Variants in NBAS observed in about 807,000 individuals in gnomAD.
NBAS encodes the protein NBAS subunit of NRZ tethering complex, also known as NAG/BC035112 fusion.
NBAS carries 219 observed loss-of-function variants against 302.5 expected under a neutral mutation model. The ratio of observed to expected loss-of-function variants is 0.72; its 90% CI spans 0.65 to 0.81. NBAS has a LOEUF of 0.81. NBAS is among the 30% of genes least tolerant of loss of function. The pLI, the probability that NBAS is intolerant of heterozygous loss-of-function variation, is 0.00. For missense variants in NBAS, 2,932 were observed against 2,841.6 expected (o/e 1.03, Z -0.72); for synonymous variants, 1,118 against 1,021.6 (o/e 1.09, Z -1.80).
the NBAS span, among the ~76,000 whole-genome samples, chr2:14,950,468 A>ATAC: frequency 6.6e-6 from 1 of 152,220 alleles, no homozygotes; most frequent in Non-Finnish European, 1.5e-5. Context: ...TATCTCAAGT[A>ATAC]TACTAATTTA....
At chr2:14,907,568 C>G in the NBAS span, 3 of 152,268 alleles carry the variant, frequency 2.0e-5, no homozygotes, top group Admixed American at 6.5e-5. Context: ...CAGTTCTTTT[C>G]CTACCTTCCA....
chr2:15,505,440 C>G (rs1164810486), intron 10 of NBAS, among the ~76,000 whole-genome samples: 2 of 152,012 alleles, frequency 1.3e-5, no homozygotes, highest in African/African-American at 4.8e-5. Context: ...AGAAAAATGG[C>G]AAACAGGAAG....
intron 34 of NBAS, among the ~76,000 whole-genome samples, chr2:15,352,790 G>A (rs1402598558): frequency 1.3e-5 from 2 of 152,090 alleles, no homozygotes; most frequent in Non-Finnish European, 2.9e-5. Context: ...TGAGCTCACT[G>A]GCCAACACCT....
At chr2:14,852,803 G>T in the NBAS span, among the ~76,000 whole-genome samples, 51 of 141,924 alleles carry the variant, frequency 3.6e-4, no homozygotes, top group African/African-American at 1.4e-3. Context: ...ACAAACCTGA[G>T]AAAAACAAGC....
chr2:15,020,487 G>C, the NBAS span, among the ~76,000 whole-genome samples: 2 of 152,172 alleles, frequency 1.3e-5, no homozygotes, highest in African/African-American at 2.4e-5. Context: ...ATTCACAATG[G>C]AGGCAAAGGC....
the NBAS span, among the ~76,000 whole-genome samples, chr2:15,003,722 A>C: frequency 2.0e-5 from 3 of 152,214 alleles, no homozygotes; most frequent in South Asian, 6.2e-4. Context: ...ACAGCTTCTC[A>C]GAAGTCATTA....
chr2:15,539,426 G>T, intron 6 of NBAS, 70 bp from the exon 7 acceptor site: 1 of 1,539,140 alleles, frequency 6.5e-7, no homozygotes, highest in Non-Finnish European at 9.0e-7. Context: ...TTTAGTAACT[G>T]CAACTAAAGT....
intron 21 of NBAS, among the ~76,000 whole-genome samples, chr2:15,436,598 G>A (rs1184505867): frequency 6.6e-6 from 1 of 152,102 alleles, no homozygotes; most frequent in Non-Finnish European, 1.5e-5. Context: ...GGATAGAAAG[G>A]TAGCACGATT....
chr2:14,985,444 AGAGAC>A, the NBAS span, among the ~76,000 whole-genome samples: 1 of 152,260 alleles, frequency 6.6e-6, no homozygotes, highest in South Asian at 2.1e-4. Flanking sequence ...TGCGAACAGC[AGAGAC>A]GATAGGAAGT....
chr2:15,449,557 T>G (rs1678906742), intron 21 of NBAS, among the ~76,000 whole-genome samples: 1 of 151,492 alleles, frequency 6.6e-6, no homozygotes, highest in Admixed American at 6.6e-5. Flanking sequence ...AATACTGACT[T>G]ACACCTTCTT....
intron 21 of NBAS, among the ~76,000 whole-genome samples, chr2:15,434,467 T>C (rs1677914214): frequency 6.6e-6 from 1 of 152,216 alleles, no homozygotes; most frequent in African/African-American, 2.4e-5. Flanking sequence ...TCCTCAAGTA[T>C]AATTTCAATG....
intron 35 of NBAS, among the ~76,000 whole-genome samples, chr2:15,351,191 A>G (rs1673338988): frequency 6.6e-6 from 1 of 152,236 alleles, no homozygotes; most frequent in Non-Finnish European, 1.5e-5. Flanking sequence ...GCATGAATGG[A>G]TCTCACAAAC....
intron 9 of NBAS, among the ~76,000 whole-genome samples, chr2:15,518,108 T>C (rs1662487769): frequency 6.8e-6 from 1 of 146,172 alleles, no homozygotes; most frequent in Non-Finnish European, 1.5e-5. Context: ...CATAAATTTC[T>C]CTAGTTAATG....
the NBAS span, among the ~76,000 whole-genome samples, chr2:14,922,394 A>C: frequency 3.3e-5 from 5 of 152,320 alleles, no homozygotes; most frequent in Non-Finnish European, 7.3e-5. Flanking sequence ...ACAAAATATC[A>C]CAGACTAGTG....
the NBAS span, among the ~76,000 whole-genome samples, chr2:14,969,416 G>A: frequency 5.9e-5 from 9 of 152,074 alleles, no homozygotes; most frequent in Non-Finnish European, 8.8e-5. Flanking sequence ...CATACTTGTC[G>A]CCCAGCCTGG....
chr2:14,988,802 C>T, the NBAS span, among the ~76,000 whole-genome samples: 2 of 152,066 alleles, frequency 1.3e-5, no homozygotes, highest in African/African-American at 4.8e-5. Context: ...ATTTCCATGA[C>T]ATTGCTAAAA....
chr2:14,957,097 T>C, the NBAS span, among the ~76,000 whole-genome samples: 14 of 152,276 alleles, frequency 9.2e-5, no homozygotes, highest in African/African-American at 3.4e-4. Context: ...CAGTCATCTC[T>C]AAGCCAAGGA....
chr2:14,826,151 GT>G, the NBAS span, among the ~76,000 whole-genome samples: 1 of 152,326 alleles, frequency 6.6e-6, no homozygotes, highest in Non-Finnish European at 1.5e-5. Context: ...TGAGAAACAA[GT>G]TCAGGGCTTC....
chr2:15,560,914 G>A lies in NBAS; in HGVS notation c.117+274C>T, dbSNP rs13030859. 0.52 allele frequency among the ~76,000 whole-genome samples: 78,778 copies of A among 151,918 alleles called. 23,409 individuals carry two copies. The highest frequency in any genetic ancestry group is 0.67 in the Non-Finnish European group (45,818 of 67,974). ...TCCTCCCAATACAGAGAGCGAAACT[G>A]AGAACCAAAGTGGGATCGTACGCTC... On this transcript the variant is annotated intron_variant, in intron 1 of 51. Transcript: ENST00000281513.
Sources: allele counts gnomAD v4.1 joint callset (sites outside exome capture counted in the v4.1 genomes callset), GRCh38; gene constraint gnomAD v4.1.1; transcripts MANE v1.5; gene names NCBI Gene and HGNC (gene_info 2026-07-23, HGNC 2026-07-21).